Variants in PTK2 observed in about 807,000 individuals in gnomAD.
PTK2 encodes protein tyrosine kinase 2.
In PTK2, 45 loss-of-function variants were observed where a neutral mutation model predicts 150.1. The observed-to-expected ratio is 0.30, with a 90% CI of 0.24 to 0.38. The LOEUF is 0.38. Ranked by LOEUF, PTK2 falls within the 10% of genes least tolerant of loss-of-function variation. The pLI is 1.00. For missense variants in PTK2, 919 were observed against 1,307.3 expected, an observed-to-expected ratio of 0.70 and a Z score of 4.58; for synonymous variants, 432 against 449.2, an observed-to-expected ratio of 0.96 and a Z score of 0.48.
chr8:140,695,251 T>TC (rs929706923), intron 26 of PTK2, among the ~76,000 whole-genome samples: 54 of 152,158 alleles, frequency 3.5e-4, no homozygotes, highest in African/African-American at 1.3e-3. Context: ...CCAAATCTTG[T>TC]CCCTTTTAAG....
chr8:140,665,032 CACACAAAGGATTTT>C (rs1312004770), intron 30 of PTK2, 35 bp from the exon 35 acceptor site: 9 of 1,557,788 alleles, frequency 5.8e-6, no homozygotes, highest in Non-Finnish European at 7.9e-6. Flanking sequence ...TATTAGAACA[CACACAAAGGATTTT>C]TATGCTTTTC....
intron 8 of PTK2, among the ~76,000 whole-genome samples, chr8:140,829,228 C>T (rs1291748667): frequency 6.6e-6 from 1 of 152,160 alleles, no homozygotes; most frequent in African/African-American, 2.4e-5. Flanking sequence ...AAAGCCAACA[C>T]CTTTATATCT....
intron 26 of PTK2, 149 bp downstream of exon 29, chr8:140,700,742 G>C: frequency 9.9e-7 from 1 of 1,013,022 alleles, no homozygotes; most frequent in Non-Finnish European, 1.4e-6. Context: ...TCCCAAATAG[G>C]CCACCATGCC....
intron 2 of PTK2, among the ~76,000 whole-genome samples, chr8:140,906,355 G>C (rs1026251688): frequency 2.6e-5 from 4 of 152,092 alleles, no homozygotes; most frequent in African/African-American, 9.7e-5. Flanking sequence ...ATATTCAAAA[G>C]AAAGGAAATC....
At chr8:140,849,811 G>A (rs1598549092) in intron 5 of PTK2, among the ~76,000 whole-genome samples, 1 of 152,084 alleles carries the variant, frequency 6.6e-6, no homozygotes, top group African/African-American at 2.4e-5. Context: ...ACTTAACTTC[G>A]TGTTGAACAC....
In PTK2 at chr8:140,899,053, G is replaced by C. The variant is rs150291757; in HGVS notation, c.-32-8284C>G. Among the ~76,000 whole-genome samples, 10 of 152,226 alleles carry C rather than the reference G, an allele frequency of 6.6e-5. No individual in the cohort carries two copies. The East Asian group carries it at 1.9e-3, about 29-fold the overall frequency. The stretch of plus-strand genomic sequence containing the variant: ...CATTTTGGTATTTTCTATAACGCTT[G>C]AGTTTATTTTCCCATAAAAAGTCTA... On this transcript the variant is annotated intron_variant, in intron 2 of 31. Coordinates refer to ENST00000522684, the Ensembl canonical transcript of PTK2.
intron 1 of PTK2, among the ~76,000 whole-genome samples, chr8:140,958,791 A>C (rs1221090081): frequency 6.6e-6 from 1 of 152,252 alleles, no homozygotes; most frequent in African/African-American, 2.4e-5. Flanking sequence ...GTTTTTCCTA[A>C]ATTTAGCTTC....
At chr8:140,893,948 T>A (rs2100155089) in intron 2 of PTK2, among the ~76,000 whole-genome samples, 1 of 152,182 alleles carries the variant, frequency 6.6e-6, no homozygotes, top group Admixed American at 6.5e-5. Context: ...AAGGGGAATT[T>A]GACAATAACA....
chr8:140,911,351 AAATCTTTTC>A (rs1255122571), intron 2 of PTK2, among the ~76,000 whole-genome samples: 1 of 152,040 alleles, frequency 6.6e-6, no homozygotes, highest in Middle Eastern at 3.2e-3. Flanking sequence ...ACCATGTTTT[AAATCTTTTC>A]AATCTTACAT....
Position 140,992,922 on chromosome 8 carries a change from G to A in PTK2, c.-122+8203C>T, listed in dbSNP as rs563990309. 2.0e-5 allele frequency among the ~76,000 whole-genome samples: 3 copies of A among 152,200 alleles called. No individual in the cohort carries two copies. The South Asian group carries it at 6.2e-4, about 32-fold the overall frequency. On this transcript the variant is annotated intron_variant, in intron 1 of 31. Coordinates refer to ENST00000522684, the Ensembl canonical transcript of PTK2. ...CGTTTGTTCTTTTAAATGGTTTAGG[G>A]GCATAATGTTAAACCTTTGTAAAGC... is the stretch of plus-strand genomic sequence containing the variant.
intron 24 of PTK2, among the ~76,000 whole-genome samples, chr8:140,703,068 A>T (rs1184425929): frequency 1.3e-5 from 2 of 152,124 alleles, no homozygotes; most frequent in African/African-American, 4.8e-5. Flanking sequence ...GCTCTGGGCC[A>T]GGCACGGTGG....
exon 25 of PTK2, chr8:140,702,610 T>C: frequency 6.2e-7 from 1 of 1,614,124 alleles, no homozygotes; most frequent in Non-Finnish European, 8.5e-7. Context: ...CTGAGGTCTA[T>C]GATTCCATGA....
chr8:140,701,055 C>T lies in PTK2; in HGVS notation c.2368-33G>A, dbSNP rs376247712. On this transcript the variant is annotated intron_variant, in intron 25 of 31. Coordinates refer to ENST00000522684, the Ensembl canonical transcript of PTK2. Reference sequence around the variant, plus strand: ...AAGGGTTGAAAACAGCATATTCAGTCTCATAAGTCTATTCCTATGCTCTTA... The same window carrying T: ...AAGGGTTGAAAACAGCATATTCAGTTTCATAAGTCTATTCCTATGCTCTTA... 433 of 1,603,530 alleles carry T rather than the reference C, an allele frequency of 2.7e-4. 1 individual carries two copies. The highest frequency in any genetic ancestry group is 7.2e-4 in the Admixed American group (42 of 58,732).
At chr8:140,808,736 T>C (rs1280418827) in intron 10 of PTK2, among the ~76,000 whole-genome samples, 1 of 142,632 alleles carries the variant, frequency 7.0e-6, no homozygotes, top group Non-Finnish European at 1.5e-5. Flanking sequence ...TGTTCTTGTT[T>C]TTTTTTTTTT....
intron 7 of PTK2, among the ~76,000 whole-genome samples, chr8:140,844,531 G>A (rs117502515): frequency 0.023 from 3,557 of 152,126 alleles, 56 homozygotes; most frequent in Non-Finnish European, 0.037. Context: ...TTTGTTGCTC[G>A]AATTGTTCCA....
At chr8:140,908,434 A>G (rs1458073708) in intron 2 of PTK2, among the ~76,000 whole-genome samples, 1 of 152,248 alleles carries the variant, frequency 6.6e-6, no homozygotes, top group African/African-American at 2.4e-5. Context: ...TCACTGATTA[A>G]TGTGGCTACA....
intron 13 of PTK2, among the ~76,000 whole-genome samples, chr8:140,791,170 G>A (rs1354691428): frequency 6.6e-6 from 1 of 152,030 alleles, no homozygotes; most frequent in Non-Finnish European, 1.5e-5. Flanking sequence ...CTCTATGTGT[G>A]TGTGTGTCTG....
chr8:140,983,686 G>C (rs2100192260), intron 1 of PTK2, among the ~76,000 whole-genome samples: 3 of 139,292 alleles, frequency 2.2e-5, no homozygotes, highest in African/African-American at 7.7e-5. Flanking sequence ...AAGAAGGAAG[G>C]AAGGAAAGGA....
At chr8:140,991,309 A>G (rs1449513907) in intron 1 of PTK2, among the ~76,000 whole-genome samples, 1 of 152,188 alleles carries the variant, frequency 6.6e-6, no homozygotes, top group African/African-American at 2.4e-5. Flanking sequence ...CAAAACCACC[A>G]GGGAGCTTGT....
Sources: gnomAD v4.1 joint callset for allele counts (sites outside exome capture counted in the v4.1 genomes callset) on GRCh38, gnomAD v4.1.1 for gene constraint, MANE v1.5 for transcripts, NCBI Gene and HGNC (gene_info 2026-07-23, HGNC 2026-07-21) for gene names.